Variants in XXYLT1 observed in about 807,000 individuals in gnomAD.
The protein encoded by XXYLT1 is xyloside xylosyltransferase 1, also known as UDP-xylose:alpha-xyloside alpha-1,3-xylosyltransferase.
Under a neutral mutation model 28.9 loss-of-function variants are expected in XXYLT1, and 20 were observed. The ratio of observed to expected loss-of-function variants is 0.69; its 90% CI spans 0.49 to 1.00. The LOEUF is 1.00. Among genes scored for constraint, XXYLT1 ranks in the 50% least tolerant of loss-of-function variants. The pLI, the probability that XXYLT1 is intolerant of heterozygous loss-of-function variation, is 0.00. For missense variants in XXYLT1, 542 were observed against 560.1 expected, an observed-to-expected ratio of 0.97 and a Z score of 0.33; for synonymous variants, 257 against 253.8, an observed-to-expected ratio of 1.01 and a Z score of -0.12.
chr3:195,260,580 C>T (rs1030086979), intron 1 of XXYLT1, among the ~76,000 whole-genome samples: 2 of 152,212 alleles, frequency 1.3e-5, no homozygotes, highest in African/African-American at 2.4e-5. Flanking sequence ...GAGGCGAAGC[C>T]CCCTAGGATA....
intron 3 of XXYLT1, among the ~76,000 whole-genome samples, chr3:195,126,284 G>A (rs574721746): frequency 2.4e-4 from 37 of 152,336 alleles, no homozygotes; most frequent in Middle Eastern, 3.4e-3. Context: ...AGAGCTAAGC[G>A]GTGGGGTATT....
rs78611212 is a variant in XXYLT1, at chr3:195,139,794, C to T, written c.785+16655G>A. Among the ~76,000 whole-genome samples, 70 of 152,322 alleles carry T rather than the reference C, an allele frequency of 4.6e-4. No individual in the cohort carries two copies. In the East Asian group the frequency reaches 0.012, roughly 26 times the overall value. On this transcript the variant is annotated intron_variant, in intron 3 of 3. Transcript: ENST00000310380. ...AGGTGAGTTTCACAATGGGAGCCTG[C>T]GTTTCCATTCCATTCCCCTCACAGA...
intron 1 of XXYLT1, among the ~76,000 whole-genome samples, chr3:195,260,291 C>T (rs1366035891): frequency 6.6e-6 from 1 of 151,668 alleles, no homozygotes; most frequent in Non-Finnish European, 1.5e-5. Flanking sequence ...GAGGAGGGGC[C>T]AGCCCCGCCC....
At position 195,111,426 on chromosome 3, in the gene XXYLT1, G is replaced by A. The variant is rs553768363; in HGVS notation, c.786-41315C>T. 2.6e-5 allele frequency among the ~76,000 whole-genome samples: 4 copies of A among 152,278 alleles called. No homozygotes were observed. The East Asian group carries it at 7.7e-4, about 29-fold the overall frequency. On this transcript the variant is annotated intron_variant, in intron 3 of 3. Transcript: ENST00000310380. Reference sequence around the variant, plus strand: ...CAATCCATAGCAGAGAGGGGAGATGGGGAGAGAGGCTGGATGGGGAGCAAG... The same window carrying A: ...CAATCCATAGCAGAGAGGGGAGATGAGGAGAGAGGCTGGATGGGGAGCAAG...
intron 1 of XXYLT1, among the ~76,000 whole-genome samples, chr3:195,258,807 G>A (rs1049124786): frequency 3.3e-5 from 5 of 152,252 alleles, no homozygotes; most frequent in African/African-American, 9.6e-5. Context: ...AGGTAGGGGA[G>A]GGAGGAGTGT....
chr3:195,222,793 A>G (rs1000954736), intron 2 of XXYLT1, among the ~76,000 whole-genome samples: 3 of 152,198 alleles, frequency 2.0e-5, no homozygotes, highest in Non-Finnish European at 4.4e-5. Context: ...AATTTCTTTC[A>G]TGGGGGTTGA....
intron 3 of XXYLT1, among the ~76,000 whole-genome samples, chr3:195,110,836 G>GTTGT (rs1560101689): frequency 2.1e-5 from 1 of 46,526 alleles, no homozygotes; most frequent in Non-Finnish European, 5.0e-5. Flanking sequence ...GTGTGTGTGT[G>GTTGT]GTGTGTTGTG....
At chr3:195,175,526 G>C (rs1308370840) in intron 2 of XXYLT1, 14 of 1,492,622 alleles carry the variant, frequency 9.4e-6, no homozygotes, top group Middle Eastern at 3.4e-4. Flanking sequence ...TGCACCCATG[G>C]GCTGTTCAGA....
intron 3 of XXYLT1, chr3:195,093,949 G>A (rs60982146): frequency 0.051 from 7,737 of 152,590 alleles, 277 homozygotes; most frequent in Middle Eastern, 0.14. Flanking sequence ...GCCCACGTCC[G>A]TGGAGGCGCC....
At chr3:195,104,599 G>T (rs1716987712) in intron 3 of XXYLT1, among the ~76,000 whole-genome samples, 1 of 152,160 alleles carries the variant, frequency 6.6e-6, no homozygotes, top group Admixed American at 6.5e-5. Context: ...GGACCCGGGA[G>T]ATCCAGACAG....
rs749480905 is a variant in XXYLT1 at position 195,187,237 on chromosome 3, C to CA, written c.653-30657dup. On this transcript the variant is annotated intron_variant, in intron 2 of 3. Coordinates refer to ENST00000310380, the MANE Select transcript of XXYLT1 (RefSeq NM_152531.5). ...TGGGCCGCAGAGCAAGACTCCATCT[C>CA]AAAAAAAAAAAAAAAAGATAGAGAC... Among the ~76,000 whole-genome samples, 682 of 108,324 alleles carry CA rather than the reference C, an allele frequency of 6.3e-3. 8 individuals carry two copies. Among genetic ancestry groups the CA allele is most frequent in the African/African-American group, 0.019 (512 of 26,352 alleles). The allele number at this position is 108,324 out of a possible 152,430, so 71.1% of individuals were successfully genotyped here.
intron 2 of XXYLT1, among the ~76,000 whole-genome samples, chr3:195,165,268 C>T (rs936953452): frequency 3.3e-5 from 5 of 152,168 alleles, no homozygotes; most frequent in Admixed American, 1.3e-4. Flanking sequence ...TCTACAGGGT[C>T]GCAGGCTACA....
chr3:195,108,945 G>A (rs1717301463), intron 3 of XXYLT1, among the ~76,000 whole-genome samples: 1 of 152,116 alleles, frequency 6.6e-6, no homozygotes, highest in Non-Finnish European at 1.5e-5. Flanking sequence ...AATTAAGGCA[G>A]CTATTATCTT....
intron 3 of XXYLT1, among the ~76,000 whole-genome samples, chr3:195,134,253 G>T (rs2172695): frequency 7.9e-5 from 12 of 152,066 alleles, no homozygotes; most frequent in African/African-American, 2.4e-4. Flanking sequence ...ATAGCCTACA[G>T]GTGCCTGAAT....
At position 195,256,792 on chromosome 3, in the gene XXYLT1, C is replaced by T. The variant is rs1483937308; in HGVS notation, c.504+13763G>A. 6.6e-6 allele frequency among the ~76,000 whole-genome samples: 1 copy of T among 152,204 alleles called. No individual in the cohort carries two copies. The highest frequency in any genetic ancestry group is 1.5e-5 in the Non-Finnish European group (1 of 68,030). On this transcript the variant is annotated intron_variant, in intron 1 of 3. Transcript: ENST00000310380. The surrounding 1 kb of genome is among the most constrained non-coding windows in gnomAD (Gnocchi z 4.2). ...CAGGATCAATAACATCTGGGCAGGA[C>T]TCTGTCCACCACACTCCAGCTGAAG...
In XXYLT1 at chr3:195,097,229, T is replaced by C. The variant is rs73206622; in HGVS notation, c.786-27118A>G. Among the ~76,000 whole-genome samples, 961 of 152,354 alleles carry C rather than the reference T, an allele frequency of 6.3e-3. 5 individuals are homozygous for C. Among genetic ancestry groups the C allele is most frequent in the Middle Eastern group, 0.01 (3 of 294 alleles). ...AGCAGGCTCAGTGCTGAGTTGGTTT[T>C]GACATAAGAATACATACACAGACAG... On this transcript the variant is annotated intron_variant, in intron 3 of 3. Coordinates refer to ENST00000310380, the MANE Select transcript of XXYLT1 (RefSeq NM_152531.5).
chr3:195,175,453 C>T (rs150291029), intron 2 of XXYLT1, among the ~76,000 whole-genome samples: 1 of 152,314 alleles, frequency 6.6e-6, no homozygotes, highest in Non-Finnish European at 1.5e-5. Flanking sequence ...ATTAGCCAAG[C>T]TTCGGAAAGG....
chr3:195,106,816 C>T (rs1201334119), intron 3 of XXYLT1, among the ~76,000 whole-genome samples: 1 of 152,206 alleles, frequency 6.6e-6, no homozygotes, highest in Non-Finnish European at 1.5e-5. Flanking sequence ...GTCCTAAGAC[C>T]CTGAGACAGA....
intron 2 of XXYLT1, among the ~76,000 whole-genome samples, chr3:195,198,856 C>T: frequency 6.6e-6 from 1 of 152,216 alleles, no homozygotes; most frequent in East Asian, 1.9e-4. Context: ...TCCCTCCCCT[C>T]ACCACTGAGA....
Sources: gnomAD v4.1 joint callset for allele counts (sites outside exome capture counted in the v4.1 genomes callset) on GRCh38, gnomAD v4.1.1 for gene constraint, Gnocchi (gnomAD v3.1) non-coding constraint, MANE v1.5 for transcripts, NCBI Gene and HGNC (gene_info 2026-07-23, HGNC 2026-07-21) for gene names.